The following PTPRD variants were observed in gnomAD, a reference collection of about 807,000 sequenced individuals.
PTPRD encodes the protein protein tyrosine phosphatase receptor type D, also known as receptor-type tyrosine-protein phosphatase delta.
In PTPRD, 34 loss-of-function variants were observed where a neutral mutation model predicts 214.5. That is an observed-to-expected ratio of 0.16 (90% CI 0.12 to 0.21). The LOEUF (loss-of-function observed/expected upper bound fraction) is 0.21, where lower values mean the gene tolerates loss of function less well. Ranked by LOEUF, PTPRD falls within the 10% of genes least tolerant of loss-of-function variation. PTPRD has a pLI of 1.00. For missense variants in PTPRD, 2,545 were observed against 2,398.7 expected, an observed-to-expected ratio of 1.06 and a Z score of -1.27; for synonymous variants, 1,128 against 845.7, an observed-to-expected ratio of 1.33 and a Z score of -5.79.
At chr9:10,438,934 G>T (rs1461355357) in intron 2 of PTPRD, among the ~76,000 whole-genome samples, 2 of 151,584 alleles carry the variant, frequency 1.3e-5, no homozygotes, top group African/African-American at 4.8e-5. Flanking sequence ...TGAGACCAAG[G>T]GTCCCAGTGA....
At chr9:9,063,107 C>A (rs917606512) in intron 10 of PTPRD, among the ~76,000 whole-genome samples, 3 of 152,068 alleles carry the variant, frequency 2.0e-5, no homozygotes, top group African/African-American at 7.2e-5. Context: ...GAGGAATGAA[C>A]ATTGAGCTGG....
At chr9:10,512,437 G>A (rs1479363499) in intron 2 of PTPRD, among the ~76,000 whole-genome samples, 2 of 152,046 alleles carry the variant, frequency 1.3e-5, no homozygotes, top group African/African-American at 2.4e-5. Context: ...AATGGAAAGG[G>A]CCGGAGGAAA....
At chr9:9,326,508 T>C (rs2039964070) in intron 9 of PTPRD, among the ~76,000 whole-genome samples, 1 of 152,054 alleles carries the variant, frequency 6.6e-6, no homozygotes, top group Admixed American at 6.6e-5. Context: ...AGCTAGTAAG[T>C]GAGGGGTAAT....
intron 9 of PTPRD, among the ~76,000 whole-genome samples, chr9:9,325,528 T>C (rs1969562812): frequency 6.6e-5 from 10 of 152,300 alleles, no homozygotes; most frequent in Admixed American, 5.9e-4. Flanking sequence ...CTTGTTATTT[T>C]TGCACATTGA....
intron 5 of PTPRD, among the ~76,000 whole-genome samples, chr9:9,924,743 G>C (rs1201377813): frequency 6.6e-6 from 1 of 151,974 alleles, no homozygotes; most frequent in Non-Finnish European, 1.5e-5. Flanking sequence ...AAAAATAATT[G>C]CTTTAAAAAT....
intron 35 of PTPRD, among the ~76,000 whole-genome samples, chr9:8,421,148 A>C (rs745636382): frequency 6.6e-6 from 1 of 152,080 alleles, no homozygotes; most frequent in African/African-American, 2.4e-5. Flanking sequence ...GATAAATGAT[A>C]TCTCTCTATA....
intron 6 of PTPRD, among the ~76,000 whole-genome samples, chr9:9,756,427 T>C (rs2098579376): frequency 6.6e-6 from 1 of 152,154 alleles, no homozygotes; most frequent in Non-Finnish European, 1.5e-5. Context: ...ACGTTCATTG[T>C]ATTGGTTACT....
intron 2 of PTPRD, among the ~76,000 whole-genome samples, chr9:10,545,327 T>C (rs1590542430): frequency 6.6e-6 from 1 of 152,114 alleles, no homozygotes; most frequent in South Asian, 2.1e-4. Context: ...AAGATGAAAA[T>C]TGTGTGGCTG....
chr9:10,153,117 A>G (rs2099072065), intron 3 of PTPRD, among the ~76,000 whole-genome samples: 1 of 152,152 alleles, frequency 6.6e-6, no homozygotes, highest in African/African-American at 2.4e-5. Context: ...TATAGTTAAT[A>G]ATAATACATT....
chr9:10,431,351 T>A (rs1008529726), intron 2 of PTPRD, among the ~76,000 whole-genome samples: 1 of 151,842 alleles, frequency 6.6e-6, no homozygotes, highest in Non-Finnish European at 1.5e-5. Flanking sequence ...AACCTAGGCA[T>A]TACCATTCAG....
At chr9:9,424,186 A>G (rs2079928755) in intron 8 of PTPRD, among the ~76,000 whole-genome samples, 1 of 152,148 alleles carries the variant, frequency 6.6e-6, no homozygotes, top group Admixed American at 6.5e-5. Context: ...TGGCTGAAAA[A>G]TTTGTTGCCA....
chr9:8,421,827 G>A (rs1468592111), intron 35 of PTPRD, among the ~76,000 whole-genome samples: 1 of 150,446 alleles, frequency 6.6e-6, no homozygotes, highest in African/African-American at 2.4e-5. Flanking sequence ...TAAATATAAA[G>A]TACATTCACT....
At chr9:9,380,233 C>T (rs565902612) in intron 9 of PTPRD, among the ~76,000 whole-genome samples, 1 of 152,204 alleles carries the variant, frequency 6.6e-6, no homozygotes, top group South Asian at 2.1e-4. Flanking sequence ...CTAGACACTA[C>T]TTTCACTGCA....
intron 11 of PTPRD, among the ~76,000 whole-genome samples, chr9:8,976,906 T>G (rs950173573): frequency 3.3e-5 from 5 of 152,074 alleles, no homozygotes; most frequent in Non-Finnish European, 7.4e-5. Context: ...TATTTTTATC[T>G]CTAACCCTGA....
At chr9:8,472,587 CTGTAAA>C (rs1467109088) in intron 30 of PTPRD, among the ~76,000 whole-genome samples, 2 of 152,238 alleles carry the variant, frequency 1.3e-5, no homozygotes, top group Admixed American at 1.3e-4. Flanking sequence ...CTGGGACGCA[CTGTAAA>C]TGTAAAAGAC....
intron 11 of PTPRD, among the ~76,000 whole-genome samples, chr9:8,847,165 T>C (rs2097712946): frequency 1.4e-5 from 2 of 147,098 alleles, no homozygotes; most frequent in South Asian, 4.4e-4. Flanking sequence ...ATTAATATTT[T>C]CCTAAAATAT....
chr9:9,565,374 T>A (rs549478487), intron 8 of PTPRD, among the ~76,000 whole-genome samples: 1 of 151,944 alleles, frequency 6.6e-6, no homozygotes, highest in African/African-American at 2.4e-5. Flanking sequence ...GTTTATTAAA[T>A]TTAAAATTGC....
At chr9:8,575,056 C>G (rs1216094434) in intron 14 of PTPRD, among the ~76,000 whole-genome samples, 2 of 152,084 alleles carry the variant, frequency 1.3e-5, no homozygotes, top group Non-Finnish European at 2.9e-5. Flanking sequence ...CACACTTCAT[C>G]AGAGGGTTTA....
chr9:9,637,797 C>A (rs1355042520), intron 7 of PTPRD, among the ~76,000 whole-genome samples: 1 of 152,178 alleles, frequency 6.6e-6, no homozygotes, highest in Non-Finnish European at 1.5e-5. Context: ...TCGGCATTGC[C>A]CTAGTGGGGC....
Sources: allele counts gnomAD v4.1 joint callset (sites outside exome capture counted in the v4.1 genomes callset), GRCh38; gene constraint gnomAD v4.1.1; transcripts MANE v1.5; gene names NCBI Gene and HGNC (gene_info 2026-07-23, HGNC 2026-07-21).